The following ABHD2 variants were observed in gnomAD, a reference collection of about 807,000 sequenced individuals.
The protein encoded by ABHD2 is monoacylglycerol lipase ABHD2.
ABHD2 carries 20 observed loss-of-function variants against 48.1 expected under a neutral mutation model. That is an observed-to-expected ratio of 0.42 (90% CI 0.29 to 0.60). The LOEUF is 0.60. Ranked by LOEUF, ABHD2 falls within the 20% of genes least tolerant of loss-of-function variation. ABHD2 has a pLI of 0.24. For missense variants in ABHD2, 405 were observed against 550.9 expected (o/e 0.74, Z 2.65); for synonymous variants, 209 against 214.2 (o/e 0.98, Z 0.21).
At chr15:89,107,321 T>C (rs2049801969) in intron 1 of ABHD2, among the ~76,000 whole-genome samples, 1 of 152,214 alleles carries the variant, frequency 6.6e-6, no homozygotes, top group South Asian at 2.1e-4. Context: ...GGTTCCATTT[T>C]AGAAGAATCA....
the ABHD2 span, among the ~76,000 whole-genome samples, chr15:89,078,320 T>G: frequency 6.6e-6 from 1 of 152,160 alleles, no homozygotes; most frequent in African/African-American, 2.4e-5. Flanking sequence ...TATGGCTTCA[T>G]AATAAATCAT....
At chr15:89,051,394 G>T in the ABHD2 span, among the ~76,000 whole-genome samples, 1 of 152,182 alleles carries the variant, frequency 6.6e-6, no homozygotes, top group Non-Finnish European at 1.5e-5. Flanking sequence ...AGAGGGTGAA[G>T]ACTCTCATGC....
chr15:89,166,911 C>T lies in ABHD2; in HGVS notation c.539-8901C>T, dbSNP rs139555350. ...CTTCAGTCTTAGAAGGGAGGGAGAC[C>T]CCATCTCCCTCCATCTAATTACACA... On this transcript the variant is annotated intron_variant, in intron 5 of 10. Transcript: ENST00000352732. The surrounding 1 kb of genome is among the most constrained non-coding windows in gnomAD (Gnocchi z 4.6). 3.0e-3 allele frequency among the ~76,000 whole-genome samples: 464 copies of T among 152,176 alleles called. 4 individuals carry two copies. Among genetic ancestry groups the T allele is most frequent in the African/African-American group, 0.01 (424 of 41,536 alleles).
intron 1 of ABHD2, among the ~76,000 whole-genome samples, chr15:89,105,047 G>A (rs1323771620): frequency 3.3e-5 from 5 of 152,148 alleles, no homozygotes; most frequent in Non-Finnish European, 5.9e-5. Flanking sequence ...GGAAACACCT[G>A]GCGTAAGATT....
chr15:89,132,191 G>A (rs2050230737), intron 3 of ABHD2, among the ~76,000 whole-genome samples: 2 of 152,198 alleles, frequency 1.3e-5, no homozygotes, highest in South Asian at 4.1e-4. Context: ...GAGCTGTCGG[G>A]TCAGACACAC....
chr15:89,075,183 C>T, the ABHD2 span: 2 of 152,156 alleles, frequency 1.3e-5, no homozygotes, highest in South Asian at 2.1e-4. The surrounding 1 kb of genome is among the most constrained non-coding windows in gnomAD (Gnocchi z 4.1). Context: ...GAGCAGCTAT[C>T]ATGTAAGTAA....
rs901931407 is a variant in ABHD2, at chr15:89,200,028, C to T, written c.*4605C>T. On this transcript the variant is annotated 3_prime_UTR_variant, in exon 11 of 11. Coordinates refer to ENST00000352732, the MANE Select transcript of ABHD2 (RefSeq NM_152924.5). Reference sequence around the variant, plus strand: ...CCCACAGTGGCCCTTGGAAGCAGGCCGCAGAGTAGACAGCTGCTCCTTTTG... The same window carrying T: ...CCCACAGTGGCCCTTGGAAGCAGGCTGCAGAGTAGACAGCTGCTCCTTTTG... The T allele has an allele frequency of 1.3e-5, 2 of 152,544 alleles. No homozygotes were observed. The highest frequency in any genetic ancestry group is 6.5e-5 in the Admixed American group (1 of 15,300). The allele number at this position is 152,544 out of a possible 1,614,324, so 9.4% of individuals were successfully genotyped here. A position where few individuals can be genotyped will look rare whatever the true frequency, so the allele number is the denominator to read the frequency against.
chr15:89,050,819 GC>G, the ABHD2 span, among the ~76,000 whole-genome samples: 1 of 152,296 alleles, frequency 6.6e-6, no homozygotes, highest in Non-Finnish European at 1.5e-5. Flanking sequence ...TGCACAAGTG[GC>G]CAGGAGACTG....
chr15:89,047,756 C>A, the ABHD2 span, among the ~76,000 whole-genome samples: 39 of 148,862 alleles, frequency 2.6e-4, no homozygotes, highest in Non-Finnish European at 1.5e-5. Flanking sequence ...CTTGATAGAT[C>A]TTCCTCCATA....
the ABHD2 span, among the ~76,000 whole-genome samples, chr15:89,078,907 C>T: frequency 6.6e-6 from 1 of 152,036 alleles, no homozygotes; most frequent in South Asian, 2.1e-4. Flanking sequence ...ATTTTTTGTA[C>T]TTTTAATAGA....
chr15:89,126,306 C>A (rs1285672729), intron 3 of ABHD2, among the ~76,000 whole-genome samples: 1 of 152,172 alleles, frequency 6.6e-6, no homozygotes, highest in African/African-American at 2.4e-5. Flanking sequence ...CCTTGGTTCA[C>A]CATTCATCCT....
rs375015126 is a variant in ABHD2 at position 89,173,692 on chromosome 15, T to G, written c.539-2120T>G. On this transcript the variant is annotated intron_variant, in intron 5 of 10. Transcript: ENST00000352732. This position sits in a 1 kb window ranked among gnomAD's most constrained non-coding sequence, Gnocchi z 6.5. ...CCTTCTGGACCAGGTTTTTGTTCCT[T>G]CCCTGTCCTCAGGGCCCATTCAGAG... 3.9e-5 allele frequency among the ~76,000 whole-genome samples: 6 copies of G among 152,314 alleles called. No homozygotes were observed. The East Asian group carries it at 7.7e-4, about 20-fold the overall frequency.
At chr15:89,172,242 A>G (rs1407082995) in intron 5 of ABHD2, among the ~76,000 whole-genome samples, 1 of 152,154 alleles carries the variant, frequency 6.6e-6, no homozygotes, top group Non-Finnish European at 1.5e-5. Flanking sequence ...AATCTCCAGA[A>G]TTTTTTCATC....
At chr15:89,171,031 G>A (rs1008058139) in intron 5 of ABHD2, among the ~76,000 whole-genome samples, 1 of 152,192 alleles carries the variant, frequency 6.6e-6, no homozygotes, top group African/African-American at 2.4e-5. Flanking sequence ...CAGGAGAATC[G>A]TTTGAACCCG....
rs2050977428 is a variant in ABHD2, at chr15:89,174,415, AGGAAT to A, written c.539-1394_539-1390del. Among the ~76,000 whole-genome samples, 2 of 152,208 alleles carry A rather than the reference AGGAAT, an allele frequency of 1.3e-5. No individual in the cohort carries two copies. The highest frequency in any genetic ancestry group is 4.1e-4 in the South Asian group (2 of 4,828). ...ATCAGCTTCTCTGGAGTTGAGGCCCAGGAATGGTCATTTCTAACACCCTCTCCAGG... is the reference window on the plus strand; with the variant it reads ...ATCAGCTTCTCTGGAGTTGAGGCCCAGGTCATTTCTAACACCCTCTCCAGG... On this transcript the variant is annotated intron_variant, in intron 5 of 10. Transcript: ENST00000352732. This position sits in a 1 kb window ranked among gnomAD's most constrained non-coding sequence, Gnocchi z 4.1.
rs112900137 is a variant in ABHD2, at chr15:89,189,242, G to T, written c.926+939G>T. Among the ~76,000 whole-genome samples, 1,560 of 152,238 alleles carry T rather than the reference G, an allele frequency of 0.01. 34 individuals are homozygous for T. Among genetic ancestry groups the T allele is most frequent in the African/African-American group, 0.036 (1,504 of 41,516 alleles). On this transcript the variant is annotated intron_variant, in intron 8 of 10. Coordinates refer to ENST00000352732, the MANE Select transcript of ABHD2 (RefSeq NM_152924.5). The surrounding 1 kb of genome is among the most constrained non-coding windows in gnomAD (Gnocchi z 4.9). ...GCTCATGCCTGTAATTCCAGCACTT[G>T]GGGAGGCTGAGGCTGGAGGATCACA... is the stretch of plus-strand genomic sequence containing the variant.
At chr15:89,135,442 T>C in intron 3 of ABHD2, 1 of 663,656 alleles carries the variant, frequency 1.5e-6, no homozygotes, top group South Asian at 1.8e-5. Flanking sequence ...TAAAAACAAA[T>C]CTTACACAGC....
At chr15:89,079,216 G>A in the ABHD2 span, among the ~76,000 whole-genome samples, 1 of 152,020 alleles carries the variant, frequency 6.6e-6, no homozygotes, top group Non-Finnish European at 1.5e-5. The surrounding 1 kb of genome is among the most constrained non-coding windows in gnomAD (Gnocchi z 4.3). Context: ...TCCTCTACCC[G>A]CCCCTTTCAC....
rs1008227375 is a variant in ABHD2 at position 89,151,532 on chromosome 15, G to A, written c.195-145G>A. ...AAAGGCGGTAAATCATGGCACGGATGTAACGTAATAAAAGCCTCATGTTTA... is the reference window on the plus strand; with the variant it reads ...AAAGGCGGTAAATCATGGCACGGATATAACGTAATAAAAGCCTCATGTTTA... On this transcript the variant is annotated intron_variant, in intron 3 of 10. Coordinates refer to ENST00000352732, the MANE Select transcript of ABHD2 (RefSeq NM_152924.5). The surrounding 1 kb of genome is among the most constrained non-coding windows in gnomAD (Gnocchi z 4.7). 8.7e-6 allele frequency: 7 copies of A among 804,670 alleles called. No individual in the cohort carries two copies. Among genetic ancestry groups the A allele is most frequent in the Middle Eastern group, 2.8e-4 (1 of 3,536 alleles). 49.8% of individuals were successfully genotyped at this position (804,670 alleles called of 1,614,324 possible). A position where few individuals can be genotyped will look rare whatever the true frequency, so the allele number is the denominator to read the frequency against.
Sources: gnomAD v4.1 joint callset for allele counts (sites outside exome capture counted in the v4.1 genomes callset) on GRCh38, gnomAD v4.1.1 for gene constraint, Gnocchi (gnomAD v3.1) non-coding constraint, MANE v1.5 for transcripts, NCBI Gene and HGNC (gene_info 2026-07-23, HGNC 2026-07-21) for gene names.